Variants in PARL observed in about 807,000 individuals in gnomAD.
PARL encodes presenilin associated rhomboid like.
PARL carries 44 observed loss-of-function variants against 51.6 expected under a neutral mutation model. That is an observed-to-expected ratio of 0.85 (90% CI 0.67 to 1.10). The LOEUF is 1.10. PARL is among the 50% of genes least tolerant of loss of function. The pLI, the probability that PARL is intolerant of heterozygous loss-of-function variation, is 0.00. For missense variants in PARL, 441 were observed against 469.5 expected, an observed-to-expected ratio of 0.94 and a Z score of 0.56; for synonymous variants, 172 against 164.0, an observed-to-expected ratio of 1.05 and a Z score of -0.37.
chr3:183,852,928 T>G (rs1401334468), intron 4 of PARL, among the ~76,000 whole-genome samples: 1 of 152,146 alleles, frequency 6.6e-6, no homozygotes. Flanking sequence ...GATACCCACA[T>G]GCAAAAGACA....
chr3:183,843,989 A>G (rs1729652160), intron 5 of PARL, among the ~76,000 whole-genome samples: 1 of 152,148 alleles, frequency 6.6e-6, no homozygotes, highest in Admixed American at 6.5e-5. Context: ...TAGTGAGCTA[A>G]GACTGCACCA....
Position 183,867,764 on chromosome 3 carries a change from C to T in PARL, c.321+101G>A, listed in dbSNP as rs538095143. Reference sequence around the variant, plus strand: ...CATGAGCCCAGCTCTTTTTGATCCCCCCTCTACCTGTCCTTACTTTAAGGG... The same window carrying T: ...CATGAGCCCAGCTCTTTTTGATCCCTCCTCTACCTGTCCTTACTTTAAGGG... On this transcript the variant is annotated intron_variant, in intron 2 of 9. Coordinates refer to ENST00000317096, the MANE Select transcript of PARL (RefSeq NM_018622.7). 110 of 847,652 alleles carry T rather than the reference C, an allele frequency of 1.3e-4. 1 individual carries two copies. In the South Asian group the frequency reaches 1.4e-3, roughly 11 times the overall value. 52.5% of individuals were successfully genotyped at this position (847,652 alleles called of 1,614,324 possible). A position where few individuals can be genotyped will look rare whatever the true frequency, so the allele number is the denominator to read the frequency against.
At chr3:183,862,904 T>C (rs907841556) in intron 3 of PARL, 103 bp from the exon 4 acceptor site, 17 of 891,682 alleles carry the variant, frequency 1.9e-5, no homozygotes, top group Middle Eastern at 2.2e-4. Context: ...ATTCCTCTTC[T>C]GCAAAAATCA....
intron 4 of PARL, among the ~76,000 whole-genome samples, chr3:183,859,073 G>C (rs1364523301): frequency 6.6e-6 from 1 of 152,068 alleles, no homozygotes; most frequent in Non-Finnish European, 1.5e-5. Flanking sequence ...TTGGGAGGCC[G>C]AGGCGGTGGA....
chr3:183,869,725 A>G (rs962079786), intron 1 of PARL, among the ~76,000 whole-genome samples: 2 of 152,026 alleles, frequency 1.3e-5, no homozygotes, highest in Non-Finnish European at 2.9e-5. Flanking sequence ...AGCCCCTAAA[A>G]CAAGCTATTT....
downstream of PARL, chr3:183,826,886 TCAAA>T (rs1727452787): frequency 3.3e-6 from 2 of 597,776 alleles, no homozygotes; most frequent in South Asian, 1.5e-4. Flanking sequence ...ACTTCATTGA[TCAAA>T]CAACAGTCAA....
intron 1 of PARL, among the ~76,000 whole-genome samples, chr3:183,879,044 T>C (rs1577397996): frequency 6.6e-6 from 1 of 152,228 alleles, no homozygotes; most frequent in South Asian, 2.1e-4. Context: ...ACAATACTTG[T>C]ACTTAAATTA....
rs1729691864 is a variant in PARL, at chr3:183,844,301, T to C, written c.537A>G (p.Val179=). Residue 179 remains valine, a synonymous_variant, in exon 5 of 10, where the codon GTA becomes GTG. Transcript: ENST00000317096. ...VTGIIAANVL[V]FCLWRVPSLQ... Reference sequence around the variant, plus strand: ...GAGAAGGTACTCTCCATAAACAGAATACAAGGACATTTGCAGCTATAATAC... The same window carrying C: ...GAGAAGGTACTCTCCATAAACAGAACACAAGGACATTTGCAGCTATAATAC... The C allele has an allele frequency of 6.2e-7, 1 of 1,604,154 alleles. No individual in the cohort carries two copies. Among genetic ancestry groups the C allele is most frequent in the Non-Finnish European group, 8.5e-7 (1 of 1,171,096 alleles).
At chr3:183,884,435 G>C (rs1394411200) in intron 1 of PARL, among the ~76,000 whole-genome samples, 2 of 152,172 alleles carry the variant, frequency 1.3e-5, no homozygotes, top group Non-Finnish European at 2.9e-5. Flanking sequence ...GTTTCCACTC[G>C]CGATTATGAA....
chr3:183,867,767 T>A, intron 2 of PARL, 98 bp downstream of exon 2: 1 of 849,534 alleles, frequency 1.2e-6, no homozygotes, highest in Non-Finnish European at 2.0e-6. Flanking sequence ...TGATCCCCCC[T>A]CTACCTGTCC....
In PARL at chr3:183,842,382, T is replaced by G. The variant is rs766493456; in HGVS notation, c.673A>C (p.Asn225His). ...GAGAAGCTCCACAAAACATACATATTTGCTGCCATGTGAAATAAGGAGAAA... is the reference window on the plus strand; with the variant it reads ...GAGAAGCTCCACAAAACATACATATGTGCTGCCATGTGAAATAAGGAGAAA... ...SHFSLFHMAA[N>H]MYVLWSFSSS... The change falls in exon 6 of 10, where the codon AAT (asparagine) becomes CAT (histidine). Residue 225 changes from asparagine to histidine, a missense_variant. Coordinates refer to ENST00000317096, the MANE Select transcript of PARL (RefSeq NM_018622.7). 6.2e-7 allele frequency: 1 copy of G among 1,613,734 alleles called. No individual in the cohort carries two copies. The highest frequency in any genetic ancestry group is 8.5e-7 in the Non-Finnish European group (1 of 1,179,682).
chr3:183,883,460 G>T (rs1342061555), intron 1 of PARL: 1 of 241,272 alleles, frequency 4.1e-6, no homozygotes, highest in African/African-American at 2.3e-5. Flanking sequence ...AGTAGAGACG[G>T]GGTTTTGCAA....
chr3:183,843,147 G>C, intron 5 of PARL: 2 of 939,448 alleles, frequency 2.1e-6, no homozygotes, highest in African/African-American at 3.5e-5. Flanking sequence ...GCCTCCCCAA[G>C]TGCTGGGATT....
At chr3:183,826,790 C>T (rs367673886), downstream of PARL, 7 of 985,260 alleles carry the variant, frequency 7.1e-6, no homozygotes, top group Admixed American at 1.2e-4. Flanking sequence ...CTGTCCGCCA[C>T]GGCCCTGGGT....
chr3:183,883,916 T>C (rs191104873), intron 1 of PARL, among the ~76,000 whole-genome samples: 3 of 152,312 alleles, frequency 2.0e-5, no homozygotes, highest in Non-Finnish European at 4.4e-5. Flanking sequence ...TATTTACCAC[T>C]GACTATCCCA....
chr3:183,877,601 C>T (rs1485435616), intron 1 of PARL, among the ~76,000 whole-genome samples: 1 of 152,074 alleles, frequency 6.6e-6, no homozygotes, highest in Non-Finnish European at 1.5e-5. Context: ...ATTGCCACCG[C>T]TACCCCAACC....
At chr3:183,841,689 G>A (rs1247915828) in intron 6 of PARL, among the ~76,000 whole-genome samples, 1 of 152,150 alleles carries the variant, frequency 6.6e-6, no homozygotes, top group Non-Finnish European at 1.5e-5. Context: ...CAACTGTCAC[G>A]TTAGCAGCAT....
intron 1 of PARL, among the ~76,000 whole-genome samples, chr3:183,881,625 G>C (rs1187025905): frequency 6.6e-6 from 1 of 152,184 alleles, no homozygotes; most frequent in African/African-American, 2.4e-5. Context: ...AGGCATGGTA[G>C]TGTGTACCTG....
At chr3:183,834,886 CAAAAAA>C (rs60078452) in intron 7 of PARL, among the ~76,000 whole-genome samples, 162 of 108,624 alleles carry the variant, frequency 1.5e-3, no homozygotes, top group Admixed American at 2.5e-3. Flanking sequence ...ACTAAAAATA[CAAAAAA>C]AAAAAAAAAA....
Sources: gnomAD v4.1 joint callset for allele counts (sites outside exome capture counted in the v4.1 genomes callset) on GRCh38, gnomAD v4.1.1 for gene constraint, MANE v1.5 for transcripts, NCBI Gene and HGNC (gene_info 2026-07-23, HGNC 2026-07-21) for gene names.